NUBPL: variants seen among roughly 807,000 people sequenced by gnomAD.
NUBPL encodes iron-sulfur cluster transfer protein NUBPL.
NUBPL carries 31 observed loss-of-function variants against 45.7 expected under a neutral mutation model. That is an observed-to-expected ratio of 0.68 (90% confidence interval 0.51 to 0.92). NUBPL has a LOEUF of 0.92. Ranked by LOEUF, NUBPL falls within the 40% of genes least tolerant of loss-of-function variation. The probability of loss-of-function intolerance (pLI) is 0.00; values close to 1 mark genes in which losing one functional copy is unlikely to be tolerated. For missense variants in NUBPL, 401 were observed against 398.7 expected (o/e 1.01, Z -0.05); for synonymous variants, 144 against 140.9 (o/e 1.02, Z -0.15).
intron 6 of NUBPL, among the ~76,000 whole-genome samples, chr14:31,727,158 T>G (rs1171749188): frequency 6.6e-6 from 1 of 152,210 alleles, no homozygotes; most frequent in Non-Finnish European, 1.5e-5. Flanking sequence ...TGTAAATTAT[T>G]TATTTTAAGA....
At chr14:31,829,867 A>C (rs944481185) in intron 8 of NUBPL, among the ~76,000 whole-genome samples, 2 of 152,218 alleles carry the variant, frequency 1.3e-5, no homozygotes, top group African/African-American at 2.4e-5. Context: ...GATAGCAACT[A>C]TGCCAAATCC....
intron 4 of NUBPL, among the ~76,000 whole-genome samples, chr14:31,657,934 A>G (rs916965386): frequency 6.6e-6 from 1 of 152,200 alleles, no homozygotes; most frequent in Non-Finnish European, 1.5e-5. Flanking sequence ...AGAGTCTTAT[A>G]CATCATATGA....
intron 3 of NUBPL, among the ~76,000 whole-genome samples, chr14:31,589,603 A>T (rs2034089259): frequency 6.6e-6 from 1 of 152,120 alleles, no homozygotes; most frequent in Non-Finnish European, 1.5e-5. Flanking sequence ...AGTGTATTAG[A>T]TTAGCTCCTA....
intron 4 of NUBPL, among the ~76,000 whole-genome samples, chr14:31,636,718 C>T (rs1241522749): frequency 1.2e-4 from 19 of 152,138 alleles, no homozygotes; most frequent in Non-Finnish European, 2.2e-4. Flanking sequence ...TCCATCTGGT[C>T]CTGGAGTCTT....
intron 6 of NUBPL, among the ~76,000 whole-genome samples, chr14:31,680,371 TC>T (rs1196811493): frequency 3.3e-5 from 5 of 152,136 alleles, no homozygotes; most frequent in Non-Finnish European, 7.4e-5. Flanking sequence ...TATCATGCCC[TC>T]TCTCAGGTTA....
intron 6 of NUBPL, among the ~76,000 whole-genome samples, chr14:31,758,840 G>C (rs1347674539): frequency 2.6e-5 from 4 of 152,090 alleles, no homozygotes; most frequent in Non-Finnish European, 5.9e-5. Flanking sequence ...AAGTAATTTT[G>C]CATTCTACTG....
rs868061310 is a variant in NUBPL at position 31,673,402 on chromosome 14, T to C, written c.422+8T>C. On this transcript the variant is annotated splice_region_variant and intron_variant, in intron 5 of 10. Transcript: ENST00000281081. ...GAATTATGGTATTGCTTGGTGAGCA[T>C]ATATATATTTTTAATGTTACTTTTC... is the stretch of plus-strand genomic sequence containing the variant. 3.5e-5 allele frequency: 57 copies of C among 1,606,940 alleles called. 1 individual carries two copies. In the Middle Eastern group the frequency reaches 8.2e-3, roughly 233 times the overall value.
At chr14:31,854,468 G>A (rs2040586777) in intron 10 of NUBPL, among the ~76,000 whole-genome samples, 3 of 152,146 alleles carry the variant, frequency 2.0e-5, no homozygotes. Flanking sequence ...AGTGCCCAAA[G>A]GACATGTTCA....
Position 31,801,341 on chromosome 14 carries a change from C to T in NUBPL, c.607+13468C>T, listed in dbSNP as rs2039586006. Among the ~76,000 whole-genome samples the T allele has an allele frequency of 2.0e-5, 3 of 152,082 alleles. No individual in the cohort carries two copies. The South Asian group carries it at 6.2e-4, about 32-fold the overall frequency. On this transcript the variant is annotated intron_variant, in intron 7 of 10. Transcript: ENST00000281081. ...CTGATCAGGGCAGAGGGCATTTGGG[C>T]AGAGTTTGAGGGGCACAGAGGGAGA...
intron 6 of NUBPL, chr14:31,714,563 CA>C (rs1279110768): frequency 1.3e-5 from 2 of 152,850 alleles, no homozygotes; most frequent in African/African-American, 4.8e-5. Flanking sequence ...CGGGAGACCC[CA>C]GATTCTTCTA....
chr14:31,736,965 C>T (rs539525613), intron 6 of NUBPL, among the ~76,000 whole-genome samples: 4 of 152,210 alleles, frequency 2.6e-5, no homozygotes, highest in Admixed American at 2.6e-4. Flanking sequence ...CTTGGATATC[C>T]ATCTTTGTGA....
chr14:31,640,109 C>G (rs1167807869), intron 4 of NUBPL, among the ~76,000 whole-genome samples: 4 of 152,146 alleles, frequency 2.6e-5, no homozygotes, highest in African/African-American at 9.7e-5. Context: ...CGCCCACTGT[C>G]AGGCACTCCC....
At position 31,860,749 on chromosome 14, in the gene NUBPL, A is replaced by G. The variant is rs1452697105; in HGVS notation, c.*1569A>G. ...ACCAAAAACAACCCAGATTTTCTTC[A>G]TTGGGTAAATGATTAAACAAACCAT... On this transcript the variant is annotated 3_prime_UTR_variant, in exon 11 of 11. Coordinates refer to ENST00000281081, the MANE Select transcript of NUBPL (RefSeq NM_025152.3). 1 of 152,204 alleles carries G rather than the reference A, an allele frequency of 6.6e-6. No homozygotes were observed. Among genetic ancestry groups the G allele is most frequent in the Non-Finnish European group, 1.5e-5 (1 of 68,036 alleles). The allele number at this position is 152,204 out of a possible 1,614,324, so 9.4% of individuals were successfully genotyped here. A position where few individuals can be genotyped will look rare whatever the true frequency, so the allele number is the denominator to read the frequency against.
At chr14:31,694,174 A>AT (rs1172217113) in intron 6 of NUBPL, among the ~76,000 whole-genome samples, 3 of 152,060 alleles carry the variant, frequency 2.0e-5, no homozygotes, top group African/African-American at 7.2e-5. Flanking sequence ...TAGACTTTCT[A>AT]TATAATATAG....
rs2040688947 is a variant in NUBPL at position 31,860,087 on chromosome 14, GA to G, written c.*908del. ...TGGGAGGTTGAGGTGGGTGGATCAT[GA>G]GGTCAGGAGTTCAAGACCAGCCTGA... On this transcript the variant is annotated 3_prime_UTR_variant, in exon 11 of 11. Coordinates refer to ENST00000281081, the MANE Select transcript of NUBPL (RefSeq NM_025152.3). The G allele has an allele frequency of 1.3e-5, 2 of 152,068 alleles. No individual in the cohort carries two copies. Among genetic ancestry groups the G allele is most frequent in the African/African-American group, 4.8e-5 (2 of 41,486 alleles). The allele number at this position is 152,068 out of a possible 1,614,324, so 9.4% of individuals were successfully genotyped here. A position where few individuals can be genotyped will look rare whatever the true frequency, so the allele number is the denominator to read the frequency against.
intron 6 of NUBPL, among the ~76,000 whole-genome samples, chr14:31,697,905 A>T (rs746766665): frequency 2.0e-5 from 3 of 152,128 alleles, no homozygotes; most frequent in Non-Finnish European, 2.9e-5. Context: ...CTTTTGGTGC[A>T]GTCGGGGATC....
chr14:31,638,980 A>G (rs943954127), intron 4 of NUBPL, among the ~76,000 whole-genome samples: 1 of 151,874 alleles, frequency 6.6e-6, no homozygotes, highest in African/African-American at 2.4e-5. Flanking sequence ...CTAGTTATAC[A>G]TTTGTCTAAA....
chr14:31,773,629 A>G (rs74043618), intron 6 of NUBPL, among the ~76,000 whole-genome samples: 7,489 of 152,258 alleles, frequency 0.049, 239 homozygotes, highest in African/African-American at 0.071. Context: ...CTGCATCTCT[A>G]TACCAATAGT....
intron 4 of NUBPL, among the ~76,000 whole-genome samples, chr14:31,655,636 C>A (rs549024949): frequency 6.6e-6 from 1 of 152,116 alleles, no homozygotes; most frequent in Admixed American, 6.6e-5. Flanking sequence ...TCACTTGAAC[C>A]CAGGAGGTTG....
Sources: gnomAD v4.1 joint callset for allele counts (sites outside exome capture counted in the v4.1 genomes callset) on GRCh38, gnomAD v4.1.1 for gene constraint, MANE v1.5 for transcripts, NCBI Gene and HGNC (gene_info 2026-07-23, HGNC 2026-07-21) for gene names.